Variants in LTBP3 observed in about 807,000 individuals in gnomAD.
The protein encoded by LTBP3 is latent transforming growth factor beta binding protein 3, also known as latent-transforming growth factor beta-binding protein 3.
In LTBP3, 97 loss-of-function variants were observed where a neutral mutation model predicts 159.7. The ratio of observed to expected loss-of-function variants is 0.61; its 90% CI spans 0.52 to 0.72. The LOEUF (loss-of-function observed/expected upper bound fraction) is 0.72, where lower values mean the gene tolerates loss of function less well. LTBP3 is among the 30% of genes least tolerant of loss of function. The probability of loss-of-function intolerance (pLI) is 0.00; values close to 1 mark genes in which losing one functional copy is unlikely to be tolerated. For missense variants in LTBP3, 1,584 were observed against 1,864.3 expected (o/e 0.85, Z 2.77); for synonymous variants, 824 against 777.1 (o/e 1.06, Z -1.00).
rs1368680336 is a variant in LTBP3, at chr11:65,553,128, C to T, written c.1063+36G>A. ...CCCACCCCCAGTGATGGCTGGCCTG[C>T]CCCTCCAGCCCACAGAATCTCCTAG... On this transcript the variant is annotated intron_variant, in intron 5 of 27. Coordinates refer to ENST00000301873, the MANE Select transcript of LTBP3 (RefSeq NM_001130144.3). This position sits in a 1 kb window ranked among gnomAD's most constrained non-coding sequence, Gnocchi z 6.5. 1.3e-5 allele frequency: 21 copies of T among 1,604,812 alleles called. No individual in the cohort carries two copies. The highest frequency in any genetic ancestry group is 1.8e-5 in the Non-Finnish European group (21 of 1,171,678).
intron 11 of LTBP3, chr11:65,548,624 T>C (rs1232731137): frequency 5.9e-6 from 1 of 169,362 alleles, no homozygotes; most frequent in Non-Finnish European, 1.3e-5. Context: ...ACTCTCTTTG[T>C]CACCAAGCCC....
chr11:65,542,536 C>T (rs920500196), intron 18 of LTBP3: 6 of 173,910 alleles, frequency 3.5e-5, no homozygotes, highest in East Asian at 3.3e-4. Context: ...TACAGGCGTG[C>T]GCCATCACGC....
At chr11:65,551,938 C>CCT (rs1856628286) in intron 8 of LTBP3, 34 bp downstream of exon 8, 8 of 1,609,292 alleles carry the variant, frequency 5.0e-6, no homozygotes, top group Non-Finnish European at 5.9e-6. Flanking sequence ...AGGGGCTTGG[C>CCT]ATGGGTCAGG....
At chr11:65,556,028 C>T (rs751909744) in intron 1 of LTBP3, among the ~76,000 whole-genome samples, 7 of 152,162 alleles carry the variant, frequency 4.6e-5, no homozygotes, top group African/African-American at 1.2e-4. Context: ...TCACTCATAG[C>T]GGTGAGAGTG....
chr11:65,540,668 G>C lies in LTBP3; in HGVS notation c.2978-54C>G, dbSNP rs572156599. 3.6e-5 allele frequency: 57 copies of C among 1,602,564 alleles called. No individual in the cohort carries two copies. In the African/African-American group the frequency reaches 7.0e-4, roughly 20 times the overall value. On this transcript the variant is annotated intron_variant, in intron 21 of 27. Transcript: ENST00000301873. ...GGTCCCGCAGCTGCAGCCCGGAGGC[G>C]TGGGCTGGGCGCACCACCGGAGCGA...
At position 65,538,840 on chromosome 11, in the gene LTBP3, T is replaced by C; in HGVS notation, c.*240A>G. The C allele has an allele frequency of 2.4e-6, 2 of 822,104 alleles. No individual in the cohort carries two copies. Among genetic ancestry groups the C allele is most frequent in the East Asian group, 3.1e-5 (1 of 32,224 alleles). The allele number at this position is 822,104 out of a possible 1,614,324, so 50.9% of individuals were successfully genotyped here. ...GGGTAAAGAGGCACGATCTGATTTATCAGTTTCTAGGAAACACCCTCTGGG... is the reference window on the plus strand; with the variant it reads ...GGGTAAAGAGGCACGATCTGATTTACCAGTTTCTAGGAAACACCCTCTGGG... On this transcript the variant is annotated 3_prime_UTR_variant, in exon 28 of 28. Transcript: ENST00000301873.
chr11:65,554,464 G>T lies in LTBP3; in HGVS notation c.332-84C>A. The T allele has an allele frequency of 8.6e-7, 1 of 1,161,498 alleles. No individual in the cohort carries two copies. The highest frequency in any genetic ancestry group is 1.2e-6 in the Non-Finnish European group (1 of 819,988). The allele number at this position is 1,161,498 out of a possible 1,614,324, so 71.9% of individuals were successfully genotyped here. On this transcript the variant is annotated intron_variant, in intron 1 of 27. Transcript: ENST00000301873. This position sits in a 1 kb window ranked among gnomAD's most constrained non-coding sequence, Gnocchi z 5.3. ...TACTTCCTTGCCACCCACTGGCTCT[G>T]TCCTCTTGGGAAGCCAGGTTTTGAG...
chr11:65,539,765 G>C lies in LTBP3; in HGVS notation c.3502C>G (p.Arg1168Gly). 6.5e-7 allele frequency: 1 copy of C among 1,544,592 alleles called. No individual in the cohort carries two copies. The highest frequency in any genetic ancestry group is 8.7e-7 in the Non-Finnish European group (1 of 1,152,356). The change falls in exon 25 of 28, where the codon CGC (arginine) becomes GGC (glycine). Residue 1168 changes from arginine to glycine, a missense_variant. Coordinates refer to ENST00000301873, the MANE Select transcript of LTBP3 (RefSeq NM_001130144.3). ...TFDDCCCRQG[R>G]GWGAQCRPCP... ...GGTCGGCATTGGGCGCCCCAGCCGC[G>C]GCCCTGGCGGCAGCAGCAGTCGTCG...
rs1856250588 is a variant in LTBP3 at position 65,543,659 on chromosome 11, A to G, written c.2354-110T>C. On this transcript the variant is annotated intron_variant, in intron 16 of 27. Coordinates refer to ENST00000301873, the MANE Select transcript of LTBP3 (RefSeq NM_001130144.3). ...GAGCACCAGAGCTGAGGCCAGCAGC[A>G]CTCAGAAGCACAGGCCTCACCCTGC... 7 of 1,400,154 alleles carry G rather than the reference A, an allele frequency of 5.0e-6. No individual in the cohort carries two copies. The South Asian group carries it at 7.0e-5, about 14-fold the overall frequency. 86.7% of individuals were successfully genotyped at this position (1,400,154 alleles called of 1,614,324 possible).
chr11:65,543,761 G>T, intron 16 of LTBP3: 1 of 592,238 alleles, frequency 1.7e-6, no homozygotes, highest in South Asian at 1.9e-5. Context: ...ATGCTAAAGA[G>T]CCTCCCCAGC....
At position 65,551,181 on chromosome 11, in the gene LTBP3, C is replaced by G. The variant is rs1296620950; in HGVS notation, c.1665G>C (p.Leu555=). ...CGCTGCGGGAAGGAGGCAAGTCCGG[C>G]AGGAACCAGCGCATGGTCGGGGGCG... ...RPSPPTMRWF[L]PDLPPSRSAV... is the part of the protein sequence containing the mutation. Residue 555 remains leucine, a synonymous_variant, in exon 11 of 28, where the codon CTG becomes CTC. Coordinates refer to ENST00000301873, the MANE Select transcript of LTBP3 (RefSeq NM_001130144.3). The G allele has an allele frequency of 3.2e-6, 5 of 1,552,328 alleles. No homozygotes were observed. Among genetic ancestry groups the G allele is most frequent in the African/African-American group, 1.4e-5 (1 of 73,236 alleles).
At chr11:65,540,664 A>G in intron 21 of LTBP3, 50 bp from the exon 22 acceptor site, 1 of 1,465,784 alleles carries the variant, frequency 6.8e-7, no homozygotes, top group Non-Finnish European at 9.1e-7. Context: ...TGCAGCCCGG[A>G]GGCGTGGGCT....
In LTBP3 at chr11:65,554,341, G is replaced by C; in HGVS notation, c.371C>G (p.Ser124Cys). Reference sequence around the variant, plus strand: ...GGGACACAGGCACTGGTTTCGCGAGGAGCACTGGCCGCCATTCATGCAGGG... The same window carrying C: ...GGGACACAGGCACTGGTTTCGCGAGCAGCACTGGCCGCCATTCATGCAGGG... ...PLPCMNGGQC[S>C]SRNQCLCPPD... Residue 124 changes from serine to cysteine, a missense_variant, in exon 2 of 28, where the codon TCC (serine) becomes TGC (cysteine). Coordinates refer to ENST00000301873, the MANE Select transcript of LTBP3 (RefSeq NM_001130144.3). This position sits in a 1 kb window ranked among gnomAD's most constrained non-coding sequence, Gnocchi z 5.3. 1 of 1,612,380 alleles carries C rather than the reference G, an allele frequency of 6.2e-7. No homozygotes were observed. The highest frequency in any genetic ancestry group is 8.5e-7 in the Non-Finnish European group (1 of 1,179,788).
chr11:65,543,205 G>A lies in LTBP3; in HGVS notation c.2496C>T (p.Phe832=), dbSNP rs1856230061. The change falls in exon 18 of 28, where the codon TTC becomes TTT. Residue 832 remains phenylalanine, a synonymous_variant. Transcript: ENST00000301873. ...AGTCACCCCCAATGCAGGCTGCAGG[G>A]AAGTCACACTCATCAATGTCTGTAG... ...SHCEDIDECD[F]PAACIGGDCI... The A allele has an allele frequency of 1.2e-6, 2 of 1,614,014 alleles. No homozygotes were observed. The highest frequency in any genetic ancestry group is 2.2e-5 in the East Asian group (1 of 44,896).
In LTBP3 at chr11:65,557,787, G is replaced by A; in HGVS notation, c.173C>T (p.Ala58Val). The stretch of plus-strand genomic sequence containing the variant: ...AAAGACCACCTTGAAGCGCTCGCGG[G>A]CCAGCGCCCCGCCCCCGCCTGCGCC... ...ERGAGGGGAL[A>V]RERFKVVFAP... Residue 58 changes from alanine to valine, a missense_variant, in exon 1 of 28, where the codon GCC (alanine) becomes GTC (valine). Coordinates refer to ENST00000301873, the MANE Select transcript of LTBP3 (RefSeq NM_001130144.3). 6.3e-7 allele frequency: 1 copy of A among 1,587,970 alleles called. No individual in the cohort carries two copies. The highest frequency in any genetic ancestry group is 8.5e-7 in the Non-Finnish European group (1 of 1,174,158).
chr11:65,542,512 C>T (rs2846139), intron 18 of LTBP3: 25,322 of 159,886 alleles, frequency 0.16, 2,265 homozygotes, highest in Middle Eastern at 0.25. Flanking sequence ...CTCAGCCTCC[C>T]GAGTAGCTGG....
At position 65,538,773 on chromosome 11, in the gene LTBP3, C is replaced by A; in HGVS notation, c.*307G>T. 1.2e-6 allele frequency: 1 copy of A among 853,954 alleles called. No individual in the cohort carries two copies. The highest frequency in any genetic ancestry group is 1.7e-6 in the Non-Finnish European group (1 of 576,314). The allele number at this position is 853,954 out of a possible 1,614,324, so 52.9% of individuals were successfully genotyped here. A position where few individuals can be genotyped will look rare whatever the true frequency, so the allele number is the denominator to read the frequency against. ...GTCTGGCGCCGCCCTGCGCAGCCCG[C>A]GCCCACGTCAGACGTGAACATCAAT... On this transcript the variant is annotated 3_prime_UTR_variant, in exon 28 of 28. Coordinates refer to ENST00000301873, the MANE Select transcript of LTBP3 (RefSeq NM_001130144.3).
In LTBP3 at chr11:65,547,318, TG is replaced by T; in HGVS notation, c.2107+120del. On this transcript the variant is annotated intron_variant, in intron 14 of 27. Transcript: ENST00000301873. This position sits in a 1 kb window ranked among gnomAD's most constrained non-coding sequence, Gnocchi z 4.6. ...AAGATCTCACCACCGCACTCCAGCCTGGGCGACAGAGTGAGACTCCGTCTCG... is the reference window on the plus strand; with the variant it reads ...AAGATCTCACCACCGCACTCCAGCCTGGCGACAGAGTGAGACTCCGTCTCG... 2 of 1,234,124 alleles carry T rather than the reference TG, an allele frequency of 1.6e-6. No homozygotes were observed. The highest frequency in any genetic ancestry group is 2.3e-6 in the Non-Finnish European group (2 of 875,804). 76.4% of individuals were successfully genotyped at this position (1,234,124 alleles called of 1,614,324 possible). A position where few individuals can be genotyped will look rare whatever the true frequency, so the allele number is the denominator to read the frequency against.
chr11:65,550,417 CAAAAAATAAAAAA>C (rs1385314074), intron 11 of LTBP3, among the ~76,000 whole-genome samples: 1 of 148,126 alleles, frequency 6.8e-6, no homozygotes, highest in African/African-American at 2.5e-5. Context: ...GTCTCAATCT[CAAAAAATAAAAAA>C]TAAAAATAAA....
Sources: allele counts gnomAD v4.1 joint callset (sites outside exome capture counted in the v4.1 genomes callset), GRCh38; gene constraint gnomAD v4.1.1; non-coding constraint Gnocchi (gnomAD v3.1); transcripts MANE v1.5; gene names NCBI Gene and HGNC (gene_info 2026-07-23, HGNC 2026-07-21).